CDK14: variants seen among roughly 807,000 people sequenced by gnomAD.
The protein encoded by CDK14 is cyclin dependent kinase 14.
A neutral mutation model predicts 60.7 loss-of-function variants in CDK14; 34 were observed. The observed-to-expected ratio is 0.56, with a 90% CI of 0.43 to 0.75. The LOEUF (loss-of-function observed/expected upper bound fraction) is 0.75, where lower values mean the gene tolerates loss of function less well. CDK14 is among the 30% of genes least tolerant of loss of function. CDK14 has a pLI of 0.00. For missense variants in CDK14, 482 were observed against 564.1 expected (o/e 0.85, Z 1.47); for synonymous variants, 197 against 203.7 (o/e 0.97, Z 0.28).
intron 3 of CDK14, among the ~76,000 whole-genome samples, chr7:90,742,111 A>G (rs572151563): frequency 6.6e-6 from 1 of 152,088 alleles, no homozygotes; most frequent in African/African-American, 2.4e-5. Context: ...TTAATTAGTT[A>G]GTTAATTTTG....
At chr7:91,128,006 A>G (rs769160228) in intron 14 of CDK14, among the ~76,000 whole-genome samples, 1 of 152,176 alleles carries the variant, frequency 6.6e-6, no homozygotes, top group Non-Finnish European at 1.5e-5. Flanking sequence ...AGAAACTTTT[A>G]TGATATCATT....
At chr7:90,604,127 C>A in intron 1 of CDK14, 91 bp from the exon 2 acceptor site, 2 of 784,806 alleles carry the variant, frequency 2.5e-6, no homozygotes, top group Non-Finnish European at 4.0e-6. Context: ...ATGAAAACAC[C>A]ATACTGCCTT....
rs548935400 is a variant in CDK14 at position 91,145,912 on chromosome 7, GGCTT to G, written c.*28+27709_*28+27712del. ...CTTTAAACTTCAAAGGGATTAACCT[GGCTT>G]GCTTTATTTATTTATTTATTTATTT... On this transcript the variant is annotated intron_variant, in intron 14 of 14. Coordinates refer to ENST00000380050, the MANE Select transcript of CDK14 (RefSeq NM_001287135.2). Among the ~76,000 whole-genome samples, 203 of 119,496 alleles carry G rather than the reference GGCTT, an allele frequency of 1.7e-3. 2 individuals carry two copies. The highest frequency in any genetic ancestry group is 0.015 in the South Asian group (56 of 3,740). The allele number at this position is 119,496 out of a possible 152,430, so 78.4% of individuals were successfully genotyped here. A position where few individuals can be genotyped will look rare whatever the true frequency, so the allele number is the denominator to read the frequency against.
intron 2 of CDK14, chr7:90,710,310 G>C: frequency 1.0e-6 from 1 of 985,264 alleles, no homozygotes; most frequent in Non-Finnish European, 1.2e-6. Context: ...TATTACAGCT[G>C]AAAGAGATCT....
chr7:90,668,291 G>A (rs1166669663), intron 2 of CDK14, among the ~76,000 whole-genome samples: 1 of 152,086 alleles, frequency 6.6e-6, no homozygotes, highest in East Asian at 1.9e-4. Context: ...TTTTCATTGG[G>A]GTATTAGCTA....
intron 2 of CDK14, among the ~76,000 whole-genome samples, chr7:90,696,708 C>T (rs1011376791): frequency 1.3e-5 from 2 of 152,070 alleles, no homozygotes; most frequent in South Asian, 2.1e-4. Flanking sequence ...AGTTTACTGA[C>T]GGTACTTAAG....
intron 7 of CDK14, among the ~76,000 whole-genome samples, chr7:90,915,473 G>T (rs1793051454): frequency 6.6e-6 from 1 of 152,086 alleles, no homozygotes; most frequent in South Asian, 2.1e-4. Context: ...TTGGAGCCGG[G>T]GAATATAGAG....
At chr7:90,743,010 C>A (rs1002769743) in intron 3 of CDK14, among the ~76,000 whole-genome samples, 1 of 152,046 alleles carries the variant, frequency 6.6e-6, no homozygotes, top group Non-Finnish European at 1.5e-5. Context: ...AGCTTATATG[C>A]ATAGCCTGAA....
rs942671892 is a variant in CDK14, at chr7:91,207,805, A to G, written c.*669A>G. On this transcript the variant is annotated 3_prime_UTR_variant, in exon 15 of 15. Transcript: ENST00000380050. Reference sequence around the variant, plus strand: ...ACTCTGCTTAGCATTTTCAAGCCACATAGCATGACTGTTTTTTGAATAGGT... The same window carrying G: ...ACTCTGCTTAGCATTTTCAAGCCACGTAGCATGACTGTTTTTTGAATAGGT... The G allele has an allele frequency of 2.9e-4, 44 of 152,670 alleles. No homozygotes were observed. Among genetic ancestry groups the G allele is most frequent in the African/African-American group, 9.9e-4 (41 of 41,452 alleles). The allele number at this position is 152,670 out of a possible 1,614,324, so 9.5% of individuals were successfully genotyped here.
At chr7:91,062,264 G>A (rs1219425540) in intron 11 of CDK14, among the ~76,000 whole-genome samples, 1 of 152,158 alleles carries the variant, frequency 6.6e-6, no homozygotes, top group African/African-American at 2.4e-5. Context: ...CAGTATTAGG[G>A]TGGGAATGAC....
intron 14 of CDK14, among the ~76,000 whole-genome samples, chr7:91,140,039 G>A (rs555657584): frequency 6.6e-6 from 1 of 152,120 alleles, no homozygotes; most frequent in Non-Finnish European, 1.5e-5. Flanking sequence ...GAGAAAAGCA[G>A]TGAATACCTC....
At chr7:91,106,612 T>C (rs988255039) in intron 12 of CDK14, among the ~76,000 whole-genome samples, 2 of 152,166 alleles carry the variant, frequency 1.3e-5, no homozygotes, top group Admixed American at 1.3e-4. Flanking sequence ...TAGATGAGAC[T>C]GTGTCATTAG....
At chr7:91,070,619 G>A (rs1014663579) in intron 11 of CDK14, among the ~76,000 whole-genome samples, 1 of 152,060 alleles carries the variant, frequency 6.6e-6, no homozygotes, top group East Asian at 1.9e-4. Flanking sequence ...AGTTAGCCAG[G>A]CATGGTGGCA....
chr7:90,823,290 C>CT (rs1789614081), intron 5 of CDK14, among the ~76,000 whole-genome samples: 1 of 152,156 alleles, frequency 6.6e-6, no homozygotes, highest in African/African-American at 2.4e-5. Context: ...GATATCTACT[C>CT]TATCTTCAGA....
chr7:91,199,646 T>G (rs180827175), intron 14 of CDK14, among the ~76,000 whole-genome samples: 268 of 152,344 alleles, frequency 1.8e-3, no homozygotes, highest in Non-Finnish European at 2.7e-3. Flanking sequence ...GTTAAGTCAG[T>G]CTTCTCATGT....
chr7:90,816,315 A>G (rs1225119412), intron 5 of CDK14, among the ~76,000 whole-genome samples: 2 of 152,208 alleles, frequency 1.3e-5, no homozygotes, highest in African/African-American at 2.4e-5. Flanking sequence ...AGAATTAAAT[A>G]TCTTGCTAGT....
At chr7:91,078,040 T>A (rs79654488) in intron 11 of CDK14, among the ~76,000 whole-genome samples, 1 of 152,222 alleles carries the variant, frequency 6.6e-6, no homozygotes, top group South Asian at 2.1e-4. Context: ...GAAAGTGACA[T>A]ACTTTTTCAT....
At chr7:90,746,004 T>C (rs1200389694) in intron 3 of CDK14, among the ~76,000 whole-genome samples, 2 of 152,196 alleles carry the variant, frequency 1.3e-5, no homozygotes, top group African/African-American at 4.8e-5. Flanking sequence ...GATACCACAC[T>C]CTAAGCTGTC....
intron 10 of CDK14, among the ~76,000 whole-genome samples, chr7:91,036,542 GC>G (rs1554409108): frequency 6.6e-6 from 1 of 151,704 alleles, no homozygotes; most frequent in Non-Finnish European, 1.5e-5. Flanking sequence ...TTCCACATCT[GC>G]CCCCCTTGAG....
Sources: allele counts gnomAD v4.1 joint callset (sites outside exome capture counted in the v4.1 genomes callset), GRCh38; gene constraint gnomAD v4.1.1; transcripts MANE v1.5; gene names NCBI Gene and HGNC (gene_info 2026-07-23, HGNC 2026-07-21).